Variants in JMJD1C observed in about 807,000 individuals in gnomAD.
JMJD1C encodes jumonji domain containing 1C.
A neutral mutation model predicts 245.3 loss-of-function variants in JMJD1C; 31 were observed. That is an observed-to-expected ratio of 0.13 (90% CI 0.09 to 0.17). The LOEUF (loss-of-function observed/expected upper bound fraction) is 0.17. Ranked by LOEUF, JMJD1C falls within the 10% of genes least tolerant of loss-of-function variation. JMJD1C has a pLI of 1.00. For synonymous variants in JMJD1C, 1,057 were observed against 1,017.4 expected (o/e 1.04, Z -0.74); for missense variants, 2,691 against 3,000.2 (o/e 0.90, Z 2.41).
chr10:63,465,445 G>T, intron 1 of JMJD1C, 50 bp downstream of exon 1: 1 of 1,516,656 alleles, frequency 6.6e-7, no homozygotes, highest in Non-Finnish European at 8.9e-7. Flanking sequence ...ACGTCTGCGA[G>T]AGCCGGGTGC....
intron 2 of JMJD1C, chr10:63,268,998 G>A: frequency 1.0e-6 from 1 of 985,472 alleles, no homozygotes; most frequent in Non-Finnish European, 1.2e-6. Context: ...TTTGTCATCA[G>A]CACTGTGGTG....
rs1847675287 is a variant in JMJD1C at position 63,214,045 on chromosome 10, T to C, written c.2122A>G (p.Asn708Asp). 6.2e-7 allele frequency: 1 copy of C among 1,614,212 alleles called. No homozygotes were observed. Among genetic ancestry groups the C allele is most frequent in the Non-Finnish European group, 8.5e-7 (1 of 1,180,022 alleles). The change falls in exon 8 of 26, where the codon AAT (asparagine) becomes GAT (aspartate). Residue 708 changes from asparagine (N) to aspartate (D), a missense_variant. This residue lies in a region of JMJD1C where 1,562 missense variants were observed against 1,490.7 expected (regional missense o/e 1.05). Transcript: ENST00000399262. ...TCTCTGTAAACTGTAAAATGCTCAT[T>C]TTTATCAATGATAAGAGGACTCTTT... is the stretch of plus-strand genomic sequence containing the variant. ...TTKSPLIIDK[N>D]EHFTVYRDPA...
chr10:63,271,053 AG>A (rs1353867359), intron 2 of JMJD1C, among the ~76,000 whole-genome samples: 1 of 152,214 alleles, frequency 6.6e-6, no homozygotes. Flanking sequence ...GTTTTATTGT[AG>A]AAATTACATG....
chr10:63,189,072 T>C lies in JMJD1C; in HGVS notation c.6570+96A>G, dbSNP rs375970542. 9.7e-6 allele frequency: 10 copies of C among 1,034,630 alleles called. No homozygotes were observed. The East Asian group carries it at 2.2e-4, about 23-fold the overall frequency. The allele number at this position is 1,034,630 out of a possible 1,614,324, so 64.1% of individuals were successfully genotyped here. The stretch of plus-strand genomic sequence containing the variant: ...TCCCCCAAATGTGTTAACCACTATT[T>C]TTCCCCCCTCCATTTCTATTCCTAA... On this transcript the variant is annotated intron_variant, in intron 18 of 25. Coordinates refer to ENST00000399262, the MANE Select transcript of JMJD1C (RefSeq NM_032776.3).
chr10:63,376,914 C>T lies in JMJD1C; in HGVS notation c.333+3404G>A, dbSNP rs183338813. On this transcript the variant is annotated intron_variant, in intron 2 of 25. Transcript: ENST00000399262. ...ATTACCATCTGATCCAGCAATTCTA[C>T]TCCTGGGTATATACCCAAATAGTTG... Among the ~76,000 whole-genome samples the T allele has an allele frequency of 2.0e-5, 3 of 152,324 alleles. No individual in the cohort carries two copies. In the East Asian group the frequency reaches 5.8e-4, roughly 29 times the overall value.
At chr10:63,452,435 T>C (rs559724027) in intron 1 of JMJD1C, among the ~76,000 whole-genome samples, 4 of 152,184 alleles carry the variant, frequency 2.6e-5, no homozygotes, top group African/African-American at 4.8e-5. Context: ...CAGGAAATAG[T>C]AAGTGTTGAC....
rs188316436 is a variant in JMJD1C at position 63,461,726 on chromosome 10, T to C, written c.168+3769A>G. Reference sequence around the variant, plus strand: ...TCTCTATTGAAAAAACCAGACATATTTTATTAAATACTTACACTTTAGACA... The same window carrying C: ...TCTCTATTGAAAAAACCAGACATATCTTATTAAATACTTACACTTTAGACA... On this transcript the variant is annotated intron_variant, in intron 1 of 25. Transcript: ENST00000399262. 4.6e-3 allele frequency among the ~76,000 whole-genome samples: 699 copies of C among 152,252 alleles called. 4 individuals carry two copies. The highest frequency in any genetic ancestry group is 5.1e-3 in the Admixed American group (78 of 15,294).
At chr10:63,433,520 T>C (rs896802427) in intron 1 of JMJD1C, among the ~76,000 whole-genome samples, 4 of 151,908 alleles carry the variant, frequency 2.6e-5, no homozygotes, top group African/African-American at 4.8e-5. Context: ...ATAATATTCA[T>C]ATCTCCTCAA....
At chr10:63,194,500 G>T (rs899910776) in intron 13 of JMJD1C, 125 bp from the exon 14 acceptor site, 3 of 584,378 alleles carry the variant, frequency 5.1e-6, no homozygotes, top group African/African-American at 3.7e-5. Flanking sequence ...AAGAGAAAAA[G>T]AAAAAAATAA....
intron 2 of JMJD1C, among the ~76,000 whole-genome samples, chr10:63,291,539 C>T (rs957647868): frequency 6.0e-5 from 9 of 151,082 alleles, no homozygotes; most frequent in South Asian, 2.1e-4. Flanking sequence ...CGCTTGAACC[C>T]GCGAGGCAGA....
chr10:63,318,927 ATTT>A (rs564178308), intron 2 of JMJD1C, among the ~76,000 whole-genome samples: 4 of 152,182 alleles, frequency 2.6e-5, no homozygotes, highest in African/African-American at 9.6e-5. Context: ...CTTGATAAAA[ATTT>A]TTATTATGGC....
At chr10:63,479,923 AG>A (rs1412438450) in intron 1 of JMJD1C, among the ~76,000 whole-genome samples, 2 of 152,180 alleles carry the variant, frequency 1.3e-5, no homozygotes, top group Non-Finnish European at 2.9e-5. Flanking sequence ...AACCAAAAAC[AG>A]GGAAGAGATT....
intron 3 of JMJD1C, among the ~76,000 whole-genome samples, chr10:63,233,559 C>T (rs1850267737): frequency 6.6e-6 from 1 of 151,876 alleles, no homozygotes; most frequent in South Asian, 2.1e-4. Flanking sequence ...GAATTTATGT[C>T]CTGGAATTAA....
intron 3 of JMJD1C, among the ~76,000 whole-genome samples, chr10:63,248,636 T>C (rs1852611689): frequency 6.6e-6 from 1 of 152,066 alleles, no homozygotes; most frequent in Non-Finnish European, 1.5e-5. Flanking sequence ...TTGGTGGAAA[T>C]GTAAATTAGT....
At chr10:63,319,164 G>A (rs1940504322) in intron 2 of JMJD1C, among the ~76,000 whole-genome samples, 1 of 151,048 alleles carries the variant, frequency 6.6e-6, no homozygotes, top group African/African-American at 2.4e-5. Context: ...GGCTGAGGCA[G>A]GAGAATGGCG....
chr10:63,455,645 A>G (rs1033640250), intron 1 of JMJD1C, among the ~76,000 whole-genome samples: 1 of 151,892 alleles, frequency 6.6e-6, no homozygotes, highest in African/African-American at 2.4e-5. Flanking sequence ...AAAATGGCTT[A>G]TTTCCTTCTC....
chr10:63,221,748 T>G (rs1848622441), intron 3 of JMJD1C, among the ~76,000 whole-genome samples: 1 of 152,120 alleles, frequency 6.6e-6, no homozygotes, highest in Non-Finnish European at 1.5e-5. Flanking sequence ...TGAGACGGAG[T>G]TTTGCTCTTG....
At chr10:63,406,371 T>G (rs961461585) in intron 1 of JMJD1C, among the ~76,000 whole-genome samples, 3 of 152,186 alleles carry the variant, frequency 2.0e-5, no homozygotes, top group Admixed American at 6.5e-5. Context: ...ATAAGCAATT[T>G]TGGACATGAA....
intron 1 of JMJD1C, among the ~76,000 whole-genome samples, chr10:63,436,191 C>T (rs1031040107): frequency 7.9e-5 from 12 of 152,018 alleles, no homozygotes; most frequent in African/African-American, 2.9e-4. Context: ...AAGTAGTAGC[C>T]GAATTCAACA....
Sources: gnomAD v4.1 joint callset for allele counts (sites outside exome capture counted in the v4.1 genomes callset) on GRCh38, gnomAD v4.1.1 for gene constraint, gnomAD v4.1.1 regional missense constraint, MANE v1.5 for transcripts, NCBI Gene and HGNC (gene_info 2026-07-23, HGNC 2026-07-21) for gene names.